YIPF7: variants seen among roughly 807,000 people sequenced by gnomAD.
YIPF7 encodes protein YIPF7.
In YIPF7, 35 loss-of-function variants were observed where a neutral mutation model predicts 27.2. The observed-to-expected ratio is 1.29, with a 90% CI of 0.98 to 1.70. The LOEUF is 1.70. Among genes scored for constraint, YIPF7 ranks in the 40% most tolerant of loss-of-function variants. The probability of loss-of-function intolerance (pLI) is 0.00; values close to 1 mark genes in which losing one functional copy is unlikely to be tolerated. For synonymous variants in YIPF7, 137 were observed against 110.4 expected (o/e 1.24, Z -1.51); for missense variants, 358 against 303.7 (o/e 1.18, Z -1.33).
intron 3 of YIPF7, among the ~76,000 whole-genome samples, chr4:44,633,862 A>T (rs1351378329): frequency 6.6e-6 from 1 of 152,238 alleles, no homozygotes; most frequent in East Asian, 1.9e-4. Context: ...TAAAAAGTCA[A>T]TACATATATG....
At chr4:44,654,665 T>C (rs1282506834), upstream of YIPF7, among the ~76,000 whole-genome samples, 1 of 152,020 alleles carries the variant, frequency 6.6e-6, no homozygotes, top group Non-Finnish European at 1.5e-5. Context: ...TTAAAGTCTT[T>C]ACCCTTCCCA....
intron 3 of YIPF7, among the ~76,000 whole-genome samples, chr4:44,631,635 A>G (rs1212978341): frequency 6.6e-6 from 1 of 152,136 alleles, no homozygotes; most frequent in Non-Finnish European, 1.5e-5. Context: ...AATAATTTAC[A>G]TTTCTGCTTC....
chr4:44,645,039 A>G (rs1713476947), intron 2 of YIPF7, among the ~76,000 whole-genome samples: 1 of 152,180 alleles, frequency 6.6e-6, no homozygotes, highest in Admixed American at 6.5e-5. Flanking sequence ...AGGCCTCCTC[A>G]GAAGCAGCTG....
At position 44,624,825 on chromosome 4, in the gene YIPF7, C is replaced by A. The variant is rs946435384; in HGVS notation, c.427-43G>T. The A allele has an allele frequency of 6.5e-6, 10 of 1,541,510 alleles. No homozygotes were observed. The African/African-American group carries it at 1.2e-4, about 19-fold the overall frequency. Reference sequence around the variant, plus strand: ...AAAAACAGTTTGAACACACAATGGACACCGAGAGGAAATCTGAATATCATG... The same window carrying A: ...AAAAACAGTTTGAACACACAATGGAAACCGAGAGGAAATCTGAATATCATG... On this transcript the variant is annotated intron_variant, in intron 4 of 5. Transcript: ENST00000415895.
chr4:44,622,287 G>T lies in YIPF7; in HGVS notation c.*127C>A. 1 of 1,207,472 alleles carries T rather than the reference G, an allele frequency of 8.3e-7. No homozygotes were observed. Among genetic ancestry groups the T allele is most frequent in the Non-Finnish European group, 1.1e-6 (1 of 875,684 alleles). The allele number at this position is 1,207,472 out of a possible 1,614,324, so 74.8% of individuals were successfully genotyped here. ...GAGCACCACCCTTAAGTGCTGCTTT[G>T]TCTCTCTGCTTATTACTCTCTCAAA... On this transcript the variant is annotated 3_prime_UTR_variant, in exon 6 of 6. Coordinates refer to ENST00000415895, the MANE Select transcript of YIPF7 (RefSeq NM_182592.3).
Position 44,624,594 on chromosome 4 carries a change from C to A in YIPF7, c.608+7G>T. 1 of 1,574,212 alleles carries A rather than the reference C, an allele frequency of 6.4e-7. No homozygotes were observed. Among genetic ancestry groups the A allele is most frequent in the East Asian group, 2.3e-5 (1 of 42,782 alleles). On this transcript the variant is annotated splice_region_variant and intron_variant, in intron 5 of 5. Transcript: ENST00000415895. ...TGTGGGGTCATTGAGAGCACACAGA[C>A]ACTTACTGCAGTGAAAAGAACATGG...
chr4:44,652,811 G>C (rs891845450), upstream of YIPF7, among the ~76,000 whole-genome samples: 1 of 152,104 alleles, frequency 6.6e-6, no homozygotes, highest in African/African-American at 2.4e-5. Context: ...TTTAATTTTT[G>C]TAACAACCTG....
At chr4:44,622,877 T>A (rs992154313) in intron 5 of YIPF7, among the ~76,000 whole-genome samples, 2 of 152,238 alleles carry the variant, frequency 1.3e-5, no homozygotes, top group Admixed American at 1.3e-4. Context: ...TAAAATTCCC[T>A]TAAATACAGC....
chr4:44,629,578 G>T, intron 3 of YIPF7, 30 bp from the exon 4 acceptor site: 1 of 1,450,960 alleles, frequency 6.9e-7, no homozygotes, highest in Non-Finnish European at 9.2e-7. Flanking sequence ...TAAATAATAT[G>T]ATAACATAAA....
At chr4:44,638,684 A>T (rs1419900495) in intron 2 of YIPF7, among the ~76,000 whole-genome samples, 1 of 152,182 alleles carries the variant, frequency 6.6e-6, no homozygotes, top group Non-Finnish European at 1.5e-5. Context: ...TTTGCTGTGC[A>T]GAAGTTTTTA....
Position 44,624,705 on chromosome 4 carries a change from CAGGTTCAGCA to C in YIPF7, c.494_503del (p.Leu165Ter), listed in dbSNP as rs749086893. On this transcript the variant is annotated frameshift_variant, in exon 5 of 6. Coordinates refer to ENST00000415895, the MANE Select transcript of YIPF7 (RefSeq NM_182592.3). LOFTEE classifies it high-confidence loss of function. ...CGTACGACACCCCTGAAGAGCTCAT[CAGGTTCAGCA>C]AGGCATGAATCACAAGGCAGCCAAT... is the stretch of plus-strand genomic sequence containing the variant. 1 of 1,610,684 alleles carries C rather than the reference CAGGTTCAGCA, an allele frequency of 6.2e-7. No individual in the cohort carries two copies. Among genetic ancestry groups the C allele is most frequent in the Admixed American group, 1.7e-5 (1 of 59,684 alleles).
upstream of YIPF7, among the ~76,000 whole-genome samples, chr4:44,653,673 G>T (rs986355657): frequency 3.3e-5 from 5 of 152,084 alleles, no homozygotes; most frequent in African/African-American, 1.2e-4. Flanking sequence ...AATTACTGAG[G>T]ATGATTTCTA....
At chr4:44,650,149 T>C in intron 1 of YIPF7, 48 bp from the exon 2 acceptor site, 2 of 1,131,182 alleles carry the variant, frequency 1.8e-6, no homozygotes, top group Non-Finnish European at 2.6e-6. Flanking sequence ...TCAATAAAAC[T>C]TAGTTTGAGA....
intron 3 of YIPF7, among the ~76,000 whole-genome samples, chr4:44,631,451 T>C (rs1170616104): frequency 6.6e-6 from 1 of 152,192 alleles, no homozygotes; most frequent in Non-Finnish European, 1.5e-5. Context: ...GACTACAACA[T>C]GGACTTCTAA....
intron 1 of YIPF7, among the ~76,000 whole-genome samples, chr4:44,661,215 G>A (rs1291903347): frequency 6.6e-6 from 1 of 152,202 alleles, no homozygotes; most frequent in Non-Finnish European, 1.5e-5. Flanking sequence ...TATGGGCTCA[G>A]AGATAAACTG....
chr4:44,654,392 G>GT (rs1713828508), upstream of YIPF7, among the ~76,000 whole-genome samples: 2 of 151,882 alleles, frequency 1.3e-5, no homozygotes, highest in Non-Finnish European at 1.5e-5. Context: ...TAAAAAAGCC[G>GT]TGTGTTCTAC....
At chr4:44,645,219 A>T (rs561402162) in intron 2 of YIPF7, among the ~76,000 whole-genome samples, 1 of 152,284 alleles carries the variant, frequency 6.6e-6, no homozygotes, top group African/African-American at 2.4e-5. Flanking sequence ...TATATGAACA[A>T]CTTTAATTTT....
At chr4:44,642,883 T>C (rs186304236) in intron 2 of YIPF7, among the ~76,000 whole-genome samples, 3 of 152,304 alleles carry the variant, frequency 2.0e-5, no homozygotes, top group African/African-American at 7.2e-5. Context: ...ATGAGTCAAT[T>C]AAACCTCTTT....
At chr4:44,628,612 C>A (rs1712756691) in intron 4 of YIPF7, among the ~76,000 whole-genome samples, 3 of 151,960 alleles carry the variant, frequency 2.0e-5, no homozygotes, top group African/African-American at 7.2e-5. Flanking sequence ...TAATGTATTG[C>A]CACCTCCTCC....
Sources: gnomAD v4.1 joint callset for allele counts (sites outside exome capture counted in the v4.1 genomes callset) on GRCh38, gnomAD v4.1.1 for gene constraint, MANE v1.5 for transcripts, NCBI Gene and HGNC (gene_info 2026-07-23, HGNC 2026-07-21) for gene names.